The following COLEC12 variants were observed in gnomAD, a reference collection of about 807,000 sequenced individuals.
The protein encoded by COLEC12 is collectin subfamily member 12.
In COLEC12, 33 loss-of-function variants were observed where a neutral mutation model predicts 71.1. The observed-to-expected ratio is 0.46, with a 90% CI of 0.35 to 0.62. COLEC12 has a LOEUF of 0.62. COLEC12 is among the 20% of genes least tolerant of loss of function. The pLI is 0.00. For missense variants in COLEC12, 765 were observed against 916.1 expected, an observed-to-expected ratio of 0.84 and a Z score of 2.13; for synonymous variants, 350 against 353.0, an observed-to-expected ratio of 0.99 and a Z score of 0.10.
intron 1 of COLEC12, among the ~76,000 whole-genome samples, chr18:488,701 C>T (rs981644692): frequency 4.6e-5 from 7 of 151,660 alleles, no homozygotes; most frequent in Admixed American, 1.3e-4. Flanking sequence ...GGTGAAACCC[C>T]GTCTCTACTA....
Position 433,175 on chromosome 18 carries a change from C to T in COLEC12, c.58+47532G>A, listed in dbSNP as rs556420256. On this transcript the variant is annotated intron_variant, in intron 2 of 9. Transcript: ENST00000400256. ...TCAAACAAGTTAACATGCTGAACCA[C>T]ACCAATCGGAGGCTGAAAATAAGAA... Among the ~76,000 whole-genome samples the T allele has an allele frequency of 2.4e-4, 36 of 152,274 alleles. No individual in the cohort carries two copies. The South Asian group carries it at 7.3e-3, about 31-fold the overall frequency.
chr18:350,921 T>C (rs895819603), intron 3 of COLEC12, among the ~76,000 whole-genome samples: 17 of 148,886 alleles, frequency 1.1e-4, no homozygotes, highest in East Asian at 2.0e-4. Flanking sequence ...GATCACGCCA[T>C]TGCACTCCAG....
At chr18:323,153 A>C (rs998844860) in intron 8 of COLEC12, among the ~76,000 whole-genome samples, 2 of 152,138 alleles carry the variant, frequency 1.3e-5, no homozygotes, top group African/African-American at 4.8e-5. Context: ...TGAATCCAGG[A>C]GGTGGAGGTT....
chr18:475,778 C>G (rs901760007), intron 2 of COLEC12, among the ~76,000 whole-genome samples: 1 of 152,154 alleles, frequency 6.6e-6, no homozygotes, highest in African/African-American at 2.4e-5. Flanking sequence ...TGGCAAGAAA[C>G]AGCTCAATAA....
Position 500,409 on chromosome 18 carries a change from C to A in COLEC12, c.7+99G>T. ...AGCCCCGACTCCCCGGGCCCGCAGC[C>A]CAAGGGAAGGTTCGCGCGGGAGGCA... On this transcript the variant is annotated intron_variant, in intron 1 of 9. Transcript: ENST00000400256. This position sits in a 1 kb window ranked among gnomAD's most constrained non-coding sequence, Gnocchi z 5.3. The A allele has an allele frequency of 1.2e-6, 1 of 869,038 alleles. No individual in the cohort carries two copies. Among genetic ancestry groups the A allele is most frequent in the Non-Finnish European group, 1.5e-6 (1 of 664,818 alleles). 53.8% of individuals were successfully genotyped at this position (869,038 alleles called of 1,614,324 possible).
intron 2 of COLEC12, among the ~76,000 whole-genome samples, chr18:395,573 C>T (rs1030122650): frequency 3.9e-5 from 6 of 152,194 alleles, no homozygotes; most frequent in Non-Finnish European, 8.8e-5. Context: ...ACAGCTCATG[C>T]ATTCCAAGAG....
intron 2 of COLEC12, among the ~76,000 whole-genome samples, chr18:461,742 C>G (rs185345121): frequency 1.1e-3 from 166 of 152,110 alleles, no homozygotes; most frequent in Non-Finnish European, 1.9e-3. Context: ...GGAGTTGAGA[C>G]TTGCTGCATA....
chr18:445,673 C>T (rs1238505414), intron 2 of COLEC12, among the ~76,000 whole-genome samples: 1 of 146,252 alleles, frequency 6.8e-6, no homozygotes, highest in Admixed American at 6.9e-5. Flanking sequence ...ACTCCTGTCA[C>T]TCAGGCTGGA....
chr18:383,615 T>TAAAATGGAGCTTA (rs1915281142), intron 2 of COLEC12, among the ~76,000 whole-genome samples: 1 of 152,048 alleles, frequency 6.6e-6, no homozygotes, highest in East Asian at 1.9e-4. Flanking sequence ...TACGGAGAGA[T>TAAAATGGAGCTTA]CTATCCATTC....
Position 458,745 on chromosome 18 carries a change from G to A in COLEC12, c.58+21962C>T, listed in dbSNP as rs114541322. 8.5e-3 allele frequency among the ~76,000 whole-genome samples: 1,295 copies of A among 152,306 alleles called. 16 individuals carry two copies. Among genetic ancestry groups the A allele is most frequent in the African/African-American group, 0.03 (1,232 of 41,568 alleles). On this transcript the variant is annotated intron_variant, in intron 2 of 9. Transcript: ENST00000400256. ...CTGTCTCTATATGATCACTCCTCAA[G>A]ACTTCTCTCTCCCACGTGAAGCCAT...
chr18:481,343 C>T (rs890082047), intron 1 of COLEC12, among the ~76,000 whole-genome samples: 6 of 151,846 alleles, frequency 4.0e-5, no homozygotes, highest in African/African-American at 4.8e-5. Flanking sequence ...CCGATGGTTT[C>T]GCAGTAAATG....
intron 2 of COLEC12, among the ~76,000 whole-genome samples, chr18:436,340 G>A (rs1161214948): frequency 5.3e-5 from 8 of 152,062 alleles, no homozygotes; most frequent in African/African-American, 1.4e-4. Context: ...GTGAAACCCC[G>A]TCTCTAATAA....
At chr18:353,463 C>T (rs961296378) in intron 3 of COLEC12, among the ~76,000 whole-genome samples, 32 of 152,180 alleles carry the variant, frequency 2.1e-4, no homozygotes, top group African/African-American at 7.2e-4. Flanking sequence ...TCTATGACTC[C>T]GTATCACCTC....
At chr18:368,821 AC>A (rs1914926963) in intron 2 of COLEC12, among the ~76,000 whole-genome samples, 1 of 152,160 alleles carries the variant, frequency 6.6e-6, no homozygotes. Context: ...AGCCGAGATC[AC>A]GTCACTGCAC....
intron 2 of COLEC12, among the ~76,000 whole-genome samples, chr18:441,612 T>G (rs1916537291): frequency 6.6e-6 from 1 of 152,170 alleles, no homozygotes; most frequent in African/African-American, 2.4e-5. Flanking sequence ...ATATTTTCCT[T>G]TTACTAGTGA....
intron 2 of COLEC12, among the ~76,000 whole-genome samples, chr18:365,440 C>G (rs748815312): frequency 6.6e-6 from 1 of 152,090 alleles, no homozygotes; most frequent in Non-Finnish European, 1.5e-5. Flanking sequence ...TATGCAGGAG[C>G]CTTGATCAGT....
rs1283264436 is a variant in COLEC12 at position 318,431 on chromosome 18, T to G, written c.*1614A>C. 1 of 151,066 alleles carries G rather than the reference T, an allele frequency of 6.6e-6. No homozygotes were observed. Among genetic ancestry groups the G allele is most frequent in the African/African-American group, 2.4e-5 (1 of 41,140 alleles). The allele number at this position is 151,066 out of a possible 1,614,324, so 9.4% of individuals were successfully genotyped here. ...TTTCAGCCCTTTTCATATTAGACTTTCCAACAGCAAGTCAAGGAAAGTCAA... is the reference window on the plus strand; with the variant it reads ...TTTCAGCCCTTTTCATATTAGACTTGCCAACAGCAAGTCAAGGAAAGTCAA... On this transcript the variant is annotated 3_prime_UTR_variant, in exon 10 of 10. Transcript: ENST00000400256.
At chr18:402,110 C>G (rs1203128450) in intron 2 of COLEC12, among the ~76,000 whole-genome samples, 1 of 152,074 alleles carries the variant, frequency 6.6e-6, no homozygotes, top group Non-Finnish European at 1.5e-5. Flanking sequence ...GGACAAAACA[C>G]AGAAGCAAAG....
At chr18:415,216 T>C (rs1449137966) in intron 2 of COLEC12, among the ~76,000 whole-genome samples, 1 of 152,212 alleles carries the variant, frequency 6.6e-6, no homozygotes, top group Non-Finnish European at 1.5e-5. Flanking sequence ...ATTAATGCCG[T>C]TTCCATTTTA....
Sources: allele counts gnomAD v4.1 joint callset (sites outside exome capture counted in the v4.1 genomes callset), GRCh38; gene constraint gnomAD v4.1.1; non-coding constraint Gnocchi (gnomAD v3.1); transcripts MANE v1.5; gene names NCBI Gene and HGNC (gene_info 2026-07-23, HGNC 2026-07-21).